The following FSD2 variants were observed in gnomAD, a reference collection of about 807,000 sequenced individuals.
FSD2 encodes fibronectin type III and SPRY domain-containing protein 2.
A neutral mutation model predicts 80.4 loss-of-function variants in FSD2; 71 were observed. The observed-to-expected ratio is 0.88, with a 90% confidence interval of 0.73 to 1.08. The LOEUF (loss-of-function observed/expected upper bound fraction) is 1.08, where lower values mean the gene tolerates loss of function less well. Among genes scored for constraint, FSD2 ranks in the 50% least tolerant of loss-of-function variants. FSD2 has a pLI of 0.00. For missense variants in FSD2, 923 were observed against 913.8 expected (o/e 1.01, Z -0.13); for synonymous variants, 361 against 329.5 (o/e 1.10, Z -1.03).
intron 8 of FSD2, among the ~76,000 whole-genome samples, chr15:82,769,416 A>AAAAAATAC (rs1491265048): frequency 1.8e-5 from 1 of 54,862 alleles, no homozygotes; most frequent in African/African-American, 5.3e-5. Context: ...CTAAAAATAC[A>AAAAAATAC]AAAAAAAAAA....
At chr15:82,772,368 T>C (rs754713521) in intron 6 of FSD2, 140 bp from the exon 7 acceptor site, 8 of 820,796 alleles carry the variant, frequency 9.7e-6, no homozygotes, top group Non-Finnish European at 1.5e-5. Flanking sequence ...TAGACAAGGA[T>C]GGGGACATAC....
chr15:82,785,543 C>T (rs2049975004), intron 3 of FSD2, among the ~76,000 whole-genome samples: 2 of 152,018 alleles, frequency 1.3e-5, no homozygotes, highest in Non-Finnish European at 2.9e-5. Flanking sequence ...AGTCTGGTCT[C>T]GAACTCCTAA....
rs3743102 is a variant in FSD2, at chr15:82,758,642, T to C, written c.*706A>G. ...GCCAAAGAGCAGTGGCTGAAGAAGA[T>C]ACTAATTTATTCAACAAATACTTGG... On this transcript the variant is annotated 3_prime_UTR_variant, in exon 13 of 13. Coordinates refer to ENST00000334574, the MANE Select transcript of FSD2 (RefSeq NM_001007122.4). 0.15 allele frequency: 22,437 copies of C among 152,668 alleles called. 1,827 individuals are homozygous for C. Among genetic ancestry groups the C allele is most frequent in the East Asian group, 0.37 (1,904 of 5,180 alleles). The allele number at this position is 152,668 out of a possible 1,614,324, so 9.5% of individuals were successfully genotyped here.
intron 9 of FSD2, 70 bp from the exon 10 acceptor site, chr15:82,766,101 T>TA: frequency 6.8e-7 from 1 of 1,472,650 alleles, no homozygotes; most frequent in Non-Finnish European, 9.0e-7. Flanking sequence ...AGGCATCCCT[T>TA]TCAAAGCTGG....
At chr15:82,767,475 G>A (rs890669332) in intron 9 of FSD2, among the ~76,000 whole-genome samples, 1 of 152,164 alleles carries the variant, frequency 6.6e-6, no homozygotes, top group African/African-American at 2.4e-5. Flanking sequence ...GCAGGAAGGG[G>A]CCAGAGCCTG....
Position 82,782,974 on chromosome 15 carries a change from A to G in FSD2, c.787T>C (p.Leu263=). The G allele has an allele frequency of 6.2e-7, 1 of 1,613,790 alleles. No individual in the cohort carries two copies. Among genetic ancestry groups the G allele is most frequent in the South Asian group, 1.1e-5 (1 of 91,022 alleles). ...TCATATTTTTGAGCAAGTGTTTCCA[A>G]GATCTCGTTGTAATGTGACTCAAAG... ...QNFESHYNEI[L]ETLAQKYEEK... The change falls in exon 4 of 13, where the codon TTG becomes CTG. Residue 263 remains leucine, a synonymous_variant. Transcript: ENST00000334574.
At chr15:82,793,817 T>C (rs1229447705) in intron 1 of FSD2, among the ~76,000 whole-genome samples, 1 of 152,140 alleles carries the variant, frequency 6.6e-6, no homozygotes, top group African/African-American at 2.4e-5. Context: ...TCTTTTTTAT[T>C]TCTGTATGCT....
Position 82,759,206 on chromosome 15 carries a change from G to T in FSD2, c.*142C>A. 1 of 893,778 alleles carries T rather than the reference G, an allele frequency of 1.1e-6. No homozygotes were observed. The highest frequency in any genetic ancestry group is 1.7e-6 in the Non-Finnish European group (1 of 603,736). The allele number at this position is 893,778 out of a possible 1,614,324, so 55.4% of individuals were successfully genotyped here. A position where few individuals can be genotyped will look rare whatever the true frequency, so the allele number is the denominator to read the frequency against. ...AGAATCCAGGTTGGGTGAAATGAGC[G>T]CTAGCACACCAGTCAGATAATAGCA... is the stretch of plus-strand genomic sequence containing the variant. On this transcript the variant is annotated 3_prime_UTR_variant, in exon 13 of 13. Coordinates refer to ENST00000334574, the MANE Select transcript of FSD2 (RefSeq NM_001007122.4).
chr15:82,780,275 G>T lies in FSD2; in HGVS notation c.967-8C>A. On this transcript the variant is annotated splice_region_variant and splice_polypyrimidine_tract_variant and intron_variant, in intron 4 of 12. Coordinates refer to ENST00000334574, the MANE Select transcript of FSD2 (RefSeq NM_001007122.4). Reference sequence around the variant, plus strand: ...AGCCATAGCCACTGCATCCTAAAAAGGAAAAAGAGAAAATATTAAGTTGAT... The same window carrying T: ...AGCCATAGCCACTGCATCCTAAAAATGAAAAAGAGAAAATATTAAGTTGAT... 1 of 1,473,938 alleles carries T rather than the reference G, an allele frequency of 6.8e-7. No individual in the cohort carries two copies. The highest frequency in any genetic ancestry group is 9.1e-7 in the Non-Finnish European group (1 of 1,103,398). The allele number at this position is 1,473,938 out of a possible 1,614,324, so 91.3% of individuals were successfully genotyped here.
Position 82,786,996 on chromosome 15 carries a change from A to G in FSD2, c.395T>C (p.Leu132Pro). Residue 132 changes from leucine (L) to proline (P), a missense_variant, in exon 2 of 13, where the codon CTG becomes CCG. Coordinates refer to ENST00000334574, the MANE Select transcript of FSD2 (RefSeq NM_001007122.4). Reference sequence around the variant, plus strand: ...TGCTGAGCCCCACCCTCCGAAGCCCAGGTCCTCGGCCTCCGCTGCCTCTCC... The same window carrying G: ...TGCTGAGCCCCACCCTCCGAAGCCCGGGTCCTCGGCCTCCGCTGCCTCTCC... ...LSGEAAEAED[L>P]GFGGWGSAGQ... is the part of the protein sequence containing the mutation. 1 of 1,613,992 alleles carries G rather than the reference A, an allele frequency of 6.2e-7. No individual in the cohort carries two copies. The highest frequency in any genetic ancestry group is 8.5e-7 in the Non-Finnish European group (1 of 1,179,886).
At position 82,769,820 on chromosome 15, in the gene FSD2, A is replaced by T. The variant is rs772022441; in HGVS notation, c.1332T>A (p.Tyr444Ter). 1.2e-6 allele frequency: 2 copies of T among 1,613,868 alleles called. No homozygotes were observed. The highest frequency in any genetic ancestry group is 2.7e-5 in the African/African-American group (2 of 74,984). ...SVTNLVPNTQ[Y>*]EFWVTAHNRA... ...TGTTGTGAGCTGTGACCCAAAATTC[A>T]TACTGGGTATTTGGCACAAGGTTTG... The change falls in exon 8 of 13, where the codon TAT becomes TAA. Residue 444 changes from tyrosine (Y) to a stop codon, truncating the protein, a stop_gained. Coordinates refer to ENST00000334574, the MANE Select transcript of FSD2 (RefSeq NM_001007122.4). LOFTEE classifies it high-confidence loss of function.
Position 82,765,925 on chromosome 15 carries a change from T to C in FSD2, c.1660A>G (p.Ser554Gly). 3.1e-6 allele frequency: 5 copies of C among 1,610,540 alleles called. No individual in the cohort carries two copies. Among genetic ancestry groups the C allele is most frequent in the Non-Finnish European group, 4.2e-6 (5 of 1,178,928 alleles). ...ATGGTGTGGACTGTAGCTGGCTCGC[T>C]CCTCACGCTGGGGCCCCCCATATTG... Reference protein sequence around the residue: ...ALNMGGPSVRSEPATVHTIGS... With the variant: ...ALNMGGPSVRGEPATVHTIGS... Residue 554 changes from serine (S) to glycine (G), a missense_variant, in exon 10 of 13, where the codon AGC becomes GGC. Ser to Gly is a moderately conservative substitution (Grantham distance 56, BLOSUM62 0). Coordinates refer to ENST00000334574, the MANE Select transcript of FSD2 (RefSeq NM_001007122.4).
intron 1 of FSD2, among the ~76,000 whole-genome samples, chr15:82,790,742 A>ATTTT (rs56148573): frequency 1.6e-4 from 21 of 132,680 alleles, no homozygotes; most frequent in Admixed American, 4.6e-4. Context: ...TGCCCAGCTA[A>ATTTT]TTTTTTTTTT....
At chr15:82,797,613 G>A (rs755006518) in intron 1 of FSD2, among the ~76,000 whole-genome samples, 26 of 152,114 alleles carry the variant, frequency 1.7e-4, no homozygotes, top group Middle Eastern at 3.4e-3. Flanking sequence ...GATCGAAACC[G>A]TCCTGGCTAA....
At position 82,778,642 on chromosome 15, in the gene FSD2, T is replaced by C. The variant is rs1003275827; in HGVS notation, c.1111+124A>G. On this transcript the variant is annotated intron_variant, in intron 6 of 12. Transcript: ENST00000334574. The stretch of plus-strand genomic sequence containing the variant: ...ACAACACAGTACCTGTATTTAACAA[T>C]ATTGTATTGTACACTTTAAAATTTG... 8 of 1,067,478 alleles carry C rather than the reference T, an allele frequency of 7.5e-6. No individual in the cohort carries two copies. The Admixed American group carries it at 8.5e-5, about 11-fold the overall frequency. The allele number at this position is 1,067,478 out of a possible 1,614,324, so 66.1% of individuals were successfully genotyped here. A position where few individuals can be genotyped will look rare whatever the true frequency, so the allele number is the denominator to read the frequency against.
Position 82,762,130 on chromosome 15 carries a change from A to G in FSD2, c.1969T>C (p.Cys657Arg). ...EDLGANCLSWCMRHTFASSRH... is the reference protein window; with the variant it reads ...EDLGANCLSWRMRHTFASSRH... The stretch of plus-strand genomic sequence containing the variant: ...GATGATGCAAATGTGTGCCTCATGC[A>G]CCAGGAGAGGCAATTTGCTCCCAGA... Residue 657 changes from cysteine to arginine, a missense_variant, in exon 12 of 13, where the codon TGC (cysteine) becomes CGC (arginine). Cys to Arg is a radical substitution (Grantham distance 180). Transcript: ENST00000334574. The G allele has an allele frequency of 6.2e-7, 1 of 1,608,270 alleles. No individual in the cohort carries two copies. The highest frequency in any genetic ancestry group is 1.3e-5 in the African/African-American group (1 of 75,006).
intron 1 of FSD2, among the ~76,000 whole-genome samples, chr15:82,788,977 TA>T (rs35788113): frequency 0.17 from 22,927 of 137,268 alleles, 1,968 homozygotes; most frequent in South Asian, 0.36. Flanking sequence ...AGACTCTGTC[TA>T]AAAAAAAAAA....
At chr15:82,765,359 G>C (rs569603525) in intron 10 of FSD2, 61 bp from the exon 11 acceptor site, 1 of 1,606,748 alleles carries the variant, frequency 6.2e-7, no homozygotes, top group South Asian at 1.1e-5. Flanking sequence ...CCATGTGGGC[G>C]GTGGTCACCG....
Position 82,759,441 on chromosome 15 carries a change from G to A in FSD2, c.2157C>T (p.His719=), listed in dbSNP as rs1108135. Residue 719 remains histidine (H), a synonymous_variant, in exon 13 of 13, where the codon CAC becomes CAT. Transcript: ENST00000334574. ...QHLYTFSCQL[H]EFVHPCFSLE... Reference sequence around the variant, plus strand: ...AAGAAAAACAGGGATGCACAAATTCGTGAAGCTGACAACTAAATGTATATA... The same window carrying A: ...AAGAAAAACAGGGATGCACAAATTCATGAAGCTGACAACTAAATGTATATA... 0.12 allele frequency: 189,805 copies of A among 1,613,138 alleles called. 12,515 individuals carry two copies. Among genetic ancestry groups the A allele is most frequent in the East Asian group, 0.25 (11,195 of 44,862 alleles).
Sources: gnomAD v4.1 joint callset for allele counts (sites outside exome capture counted in the v4.1 genomes callset) on GRCh38, gnomAD v4.1.1 for gene constraint, MANE v1.5 for transcripts, NCBI Gene and HGNC (gene_info 2026-07-23, HGNC 2026-07-21) for gene names.